Variants in SLC35F4 observed in about 807,000 individuals in gnomAD.
SLC35F4 encodes solute carrier family 35 member F4, also known as chromosome 14 open reading frame 36.
A neutral mutation model predicts 44.2 loss-of-function variants in SLC35F4; 24 were observed. The ratio of observed to expected loss-of-function variants is 0.54; its 90% CI spans 0.39 to 0.76. The LOEUF (loss-of-function observed/expected upper bound fraction) is 0.76. SLC35F4 is among the 30% of genes least tolerant of loss of function. SLC35F4 has a pLI of 0.00. For missense variants in SLC35F4, 562 were observed against 586.1 expected (o/e 0.96, Z 0.42); for synonymous variants, 238 against 223.6 (o/e 1.06, Z -0.57).
intron 1 of SLC35F4, among the ~76,000 whole-genome samples, chr14:57,894,019 C>T (rs1888824525): frequency 1.3e-5 from 2 of 152,102 alleles, no homozygotes; most frequent in South Asian, 2.1e-4. Flanking sequence ...AGTTAGATCA[C>T]GTCCCTGCAT....
At chr14:57,696,636 AT>A (rs2075391531) in intron 1 of SLC35F4, among the ~76,000 whole-genome samples, 1 of 152,248 alleles carries the variant, frequency 6.6e-6, no homozygotes, top group Non-Finnish European at 1.5e-5. Flanking sequence ...CTGCAGCACG[AT>A]TTACAATAGC....
intron 1 of SLC35F4, among the ~76,000 whole-genome samples, chr14:57,666,687 T>C (rs908743420): frequency 6.7e-6 from 1 of 150,284 alleles, no homozygotes; most frequent in African/African-American, 2.4e-5. Context: ...AAAACAAGCA[T>C]GATGGCCAAA....
chr14:57,647,550 C>A (rs1322896880), intron 1 of SLC35F4, among the ~76,000 whole-genome samples: 1 of 152,046 alleles, frequency 6.6e-6, no homozygotes, highest in Non-Finnish European at 1.5e-5. Flanking sequence ...CAACTTCAAC[C>A]CCTTAATGTT....
Position 57,947,194 on chromosome 14 carries a change from A to T in SLC35F4, n.282+34719T>A, listed in dbSNP as rs139529434. On this transcript the variant is annotated intron_variant and non_coding_transcript_variant, in intron 1 of 1. Coordinates refer to the SLC35F4 transcript ENST00000556568. ...GTAGTTTTCCTTGTAGAGATCTTTC[A>T]TCTCCTTGGTTAGGTATATTCGTAA... 5.7e-3 allele frequency among the ~76,000 whole-genome samples: 836 copies of T among 147,236 alleles called. 6 individuals carry two copies. The highest frequency in any genetic ancestry group is 0.02 in the African/African-American group (796 of 40,354).
intron 1 of SLC35F4, among the ~76,000 whole-genome samples, chr14:57,635,113 G>A (rs2072961061): frequency 6.6e-6 from 1 of 151,952 alleles, no homozygotes; most frequent in Non-Finnish European, 1.5e-5. Flanking sequence ...AGGTGTGATG[G>A]CATGCACCTA....
chr14:57,949,970 G>T (rs1275487929), intron 1 of SLC35F4, among the ~76,000 whole-genome samples: 1 of 152,076 alleles, frequency 6.6e-6, no homozygotes, highest in Non-Finnish European at 1.5e-5. Context: ...TCTTTCCTTT[G>T]TCTTGACTTT....
At chr14:57,910,090 A>G (rs930948859) in intron 1 of SLC35F4, among the ~76,000 whole-genome samples, 1 of 151,964 alleles carries the variant, frequency 6.6e-6, no homozygotes, top group African/African-American at 2.4e-5. Context: ...TGCCATCTGT[A>G]TGTCTTCTTT....
chr14:57,882,753 C>T (rs1042602288), intron 1 of SLC35F4, among the ~76,000 whole-genome samples: 1 of 152,116 alleles, frequency 6.6e-6, no homozygotes. Flanking sequence ...TGAAAAGTTG[C>T]AATAAAACAT....
At chr14:57,893,627 A>C (rs1341865927) in intron 1 of SLC35F4, among the ~76,000 whole-genome samples, 1 of 152,160 alleles carries the variant, frequency 6.6e-6, no homozygotes, top group Non-Finnish European at 1.5e-5. Context: ...TAAGCTCTCT[A>C]TGTCCAAGCA....
chr14:57,704,084 G>T (rs2075609527), intron 1 of SLC35F4, among the ~76,000 whole-genome samples: 1 of 152,114 alleles, frequency 6.6e-6, no homozygotes, highest in South Asian at 2.1e-4. Flanking sequence ...ATTTCTCTAG[G>T]CAGGACTTAG....
At chr14:57,885,411 T>A (rs1888625569) in intron 1 of SLC35F4, among the ~76,000 whole-genome samples, 1 of 152,186 alleles carries the variant, frequency 6.6e-6, no homozygotes, top group Non-Finnish European at 1.5e-5. Flanking sequence ...TCAATATTAT[T>A]GTTGATGTTT....
At chr14:57,780,964 CT>C (rs899301235) in intron 1 of SLC35F4, among the ~76,000 whole-genome samples, 7 of 152,046 alleles carry the variant, frequency 4.6e-5, no homozygotes, top group African/African-American at 1.7e-4. Context: ...TATAAAAACC[CT>C]GGAAGAAAAT....
intron 1 of SLC35F4, among the ~76,000 whole-genome samples, chr14:57,738,579 T>A (rs138074081): frequency 2.0e-5 from 3 of 151,832 alleles, no homozygotes; most frequent in African/African-American, 7.3e-5. Context: ...CATGCAAAGA[T>A]GTTTAAGGGA....
chr14:57,630,132 G>A, intron 1 of SLC35F4: 1 of 551,096 alleles, frequency 1.8e-6, no homozygotes, highest in East Asian at 4.9e-5. Context: ...GTGGATTTGT[G>A]GATGGCAGAT....
chr14:57,889,619 T>G (rs916825696), intron 1 of SLC35F4, among the ~76,000 whole-genome samples: 1 of 152,240 alleles, frequency 6.6e-6, no homozygotes, highest in Non-Finnish European at 1.5e-5. Context: ...TCTCTTAAAC[T>G]GTGCTGATGA....
intron 1 of SLC35F4, among the ~76,000 whole-genome samples, chr14:57,788,129 C>A (rs1304528749): frequency 6.6e-6 from 1 of 151,908 alleles, no homozygotes; most frequent in East Asian, 1.9e-4. Flanking sequence ...TGTTCTTAGA[C>A]AAAACAAACT....
chr14:57,877,146 C>A (rs1888414917), intron 1 of SLC35F4, among the ~76,000 whole-genome samples: 1 of 152,082 alleles, frequency 6.6e-6, no homozygotes, highest in Non-Finnish European at 1.5e-5. Context: ...TTTTTCAATC[C>A]TTTCCCTCCT....
intron 1 of SLC35F4, among the ~76,000 whole-genome samples, chr14:57,857,491 C>G (rs972148660): frequency 2.6e-5 from 4 of 151,852 alleles, no homozygotes; most frequent in Non-Finnish European, 5.9e-5. Flanking sequence ...TGTACTCTTT[C>G]TTTTTCTGTG....
chr14:57,748,978 G>T (rs1345196038), intron 1 of SLC35F4, among the ~76,000 whole-genome samples: 1 of 152,106 alleles, frequency 6.6e-6, no homozygotes, highest in Non-Finnish European at 1.5e-5. Flanking sequence ...TAACTCTGTT[G>T]TGGGTCTGAA....
Sources: allele counts gnomAD v4.1 joint callset (sites outside exome capture counted in the v4.1 genomes callset), GRCh38; gene constraint gnomAD v4.1.1; transcripts MANE v1.5; gene names NCBI Gene and HGNC (gene_info 2026-07-23, HGNC 2026-07-21).